The following MTUS2 variants were observed in gnomAD, a reference collection of about 807,000 sequenced individuals.
The protein encoded by MTUS2 is microtubule-associated tumor suppressor candidate 2.
In MTUS2, 40 loss-of-function variants were observed where a neutral mutation model predicts 114.1. The observed-to-expected ratio is 0.35, with a 90% CI of 0.27 to 0.46. The LOEUF is 0.46. MTUS2 is among the 20% of genes least tolerant of loss of function. The pLI, the probability that MTUS2 is intolerant of heterozygous loss-of-function variation, is 1.00. For missense variants in MTUS2, 1,679 were observed against 1,705.4 expected (o/e 0.98, Z 0.27); for synonymous variants, 688 against 672.0 (o/e 1.02, Z -0.37).
In MTUS2 at chr13:29,312,848, T is replaced by C. The variant is rs769839633; in HGVS notation, c.2807-11765T>C. ...AAGCAGTATGTACAGGGATTTCTCA[T>C]TGATCATTTACAACATGCCTGTTTA... is the stretch of plus-strand genomic sequence containing the variant. On this transcript the variant is annotated intron_variant, in intron 6 of 15. Transcript: ENST00000612955. Among the ~76,000 whole-genome samples, 16 of 152,194 alleles carry C rather than the reference T, an allele frequency of 1.1e-4. No individual in the cohort carries two copies. The East Asian group carries it at 1.2e-3, about 11-fold the overall frequency.
chr13:29,382,397 G>A (rs1872280544), intron 8 of MTUS2, among the ~76,000 whole-genome samples: 1 of 152,204 alleles, frequency 6.6e-6, no homozygotes, highest in Admixed American at 6.5e-5. Context: ...GCATGGTGGA[G>A]ATGGCGTGAA....
At chr13:29,286,227 ATTG>A (rs1167567859) in intron 6 of MTUS2, among the ~76,000 whole-genome samples, 2 of 152,154 alleles carry the variant, frequency 1.3e-5, no homozygotes, top group East Asian at 1.9e-4. Flanking sequence ...CACCCGAATT[ATTG>A]TTAATATTTT....
In MTUS2 at chr13:29,025,409, G is replaced by A. The variant is rs759286559; in HGVS notation, c.711G>A (p.Glu237=). 2.5e-6 allele frequency: 4 copies of A among 1,613,784 alleles called. No homozygotes were observed. In the Admixed American group the frequency reaches 5.0e-5, roughly 20 times the overall value. Residue 237 remains glutamate, a synonymous_variant, in exon 3 of 16, where the codon GAG becomes GAA. Transcript: ENST00000612955. Reference sequence around the variant, plus strand: ...TCCCTGCAACTGACAGTACCTCAGAGGGAAAGAGTGTGCGTCATCCTAAAC... The same window carrying A: ...TCCCTGCAACTGACAGTACCTCAGAAGGAAAGAGTGTGCGTCATCCTAAAC... ...AAFPATDSTS[E]GKSVRHPKPS...
rs752705358 is a variant in MTUS2, at chr13:29,100,858, C to T, written c.2532C>T (p.Leu844=). Reference sequence around the variant, plus strand: ...TCCGTCCTCCCGGATACTCACGTCTCCCGGCAGCCAAACTGGCGGCATTTG... The same window carrying T: ...TCCGTCCTCCCGGATACTCACGTCTTCCGGCAGCCAAACTGGCGGCATTTG... ...SGLRPPGYSR[L]PAAKLAAFGF... The change falls in exon 5 of 16, where the codon CTC becomes CTT. Residue 844 remains leucine, a synonymous_variant. Transcript: ENST00000612955. 6 of 1,553,580 alleles carry T rather than the reference C, an allele frequency of 3.9e-6. No individual in the cohort carries two copies. In the African/African-American group the frequency reaches 5.5e-5, roughly 14 times the overall value.
At chr13:29,090,361 A>C (rs1370346935) in intron 4 of MTUS2, among the ~76,000 whole-genome samples, 1 of 152,128 alleles carries the variant, frequency 6.6e-6, no homozygotes, top group East Asian at 1.9e-4. Context: ...GGCTGCCAGC[A>C]AAAGTGCTCT....
At chr13:29,349,133 G>A (rs933065220) in intron 7 of MTUS2, among the ~76,000 whole-genome samples, 3 of 150,686 alleles carry the variant, frequency 2.0e-5, no homozygotes, top group African/African-American at 7.3e-5. Flanking sequence ...TTTGGCATTG[G>A]ATAGTTTTTT....
At chr13:29,389,526 T>C (rs569696133) in intron 8 of MTUS2, among the ~76,000 whole-genome samples, 1 of 40,422 alleles carries the variant, frequency 2.5e-5, no homozygotes, top group South Asian at 1.2e-3. Context: ...TATGTGTATA[T>C]ATGTATACAC....
intron 10 of MTUS2, among the ~76,000 whole-genome samples, chr13:29,486,501 TG>T (rs1232982140): frequency 6.6e-6 from 1 of 152,198 alleles, no homozygotes; most frequent in Non-Finnish European, 1.5e-5. Context: ...CAGAGAAATG[TG>T]GGAGCCCAGA....
chr13:29,393,683 TAAG>T (rs1873685650), intron 8 of MTUS2, among the ~76,000 whole-genome samples: 1 of 152,174 alleles, frequency 6.6e-6, no homozygotes, highest in Non-Finnish European at 1.5e-5. Context: ...TTGCCAAAGT[TAAG>T]AACGCATGCC....
At chr13:29,433,822 G>A (rs577007626) in intron 8 of MTUS2, among the ~76,000 whole-genome samples, 1 of 152,304 alleles carries the variant, frequency 6.6e-6, no homozygotes, top group Admixed American at 6.5e-5. Flanking sequence ...ATGTTTCTGA[G>A]AAGCGTAAAA....
intron 6 of MTUS2, among the ~76,000 whole-genome samples, chr13:29,297,616 A>C (rs1203948064): frequency 6.6e-6 from 1 of 152,178 alleles, no homozygotes; most frequent in Non-Finnish European, 1.5e-5. Context: ...TATGACTTAG[A>C]GACTTAGTTA....
At chr13:29,045,468 A>G (rs1454807819) in intron 4 of MTUS2, among the ~76,000 whole-genome samples, 2 of 152,186 alleles carry the variant, frequency 1.3e-5, no homozygotes, top group African/African-American at 4.8e-5. Flanking sequence ...CCCATTGGGA[A>G]TTAGGGCTTC....
At chr13:28,997,686 T>A (rs1156795074) in intron 2 of MTUS2, among the ~76,000 whole-genome samples, 2 of 152,130 alleles carry the variant, frequency 1.3e-5, no homozygotes, top group Non-Finnish European at 2.9e-5. Flanking sequence ...GTTTAAAGTC[T>A]GTTTTATCAG....
At chr13:29,290,958 A>C (rs183314789) in intron 6 of MTUS2, among the ~76,000 whole-genome samples, 1 of 152,322 alleles carries the variant, frequency 6.6e-6, no homozygotes, top group Admixed American at 6.5e-5. Context: ...AGCACTTGCC[A>C]CAATGAGTGC....
intron 2 of MTUS2, among the ~76,000 whole-genome samples, chr13:29,019,396 A>T (rs893592788): frequency 6.6e-6 from 1 of 152,194 alleles, no homozygotes; most frequent in Non-Finnish European, 1.5e-5. Flanking sequence ...TTATCAATGA[A>T]TGATAATGTA....
At position 29,074,383 on chromosome 13, in the gene MTUS2, G is replaced by A. The variant is rs535318528; in HGVS notation, c.2447-26390G>A. Among the ~76,000 whole-genome samples the A allele has an allele frequency of 7.9e-5, 12 of 152,266 alleles. No homozygotes were observed. In the East Asian group the frequency reaches 2.3e-3, roughly 29 times the overall value. ...TGTGCTCCCACAGCTCTGGGTCCAT[G>A]CCTCCGTCATGCCACTTAGCACCCT... On this transcript the variant is annotated intron_variant, in intron 4 of 15. Transcript: ENST00000612955.
chr13:29,045,973 C>A (rs1208810178), intron 4 of MTUS2, among the ~76,000 whole-genome samples: 4 of 152,120 alleles, frequency 2.6e-5, no homozygotes, highest in Non-Finnish European at 5.9e-5. Flanking sequence ...ACATGTTTCT[C>A]CCCATCTGGA....
At position 28,930,631 on chromosome 13, in the gene MTUS2, A is replaced by G. The variant is rs151103467; in HGVS notation, c.-243+90781A>G. On this transcript the variant is annotated intron_variant, in intron 2 of 15. Transcript: ENST00000612955. ...ATATCTAAGATTTGTTTAGCTCTTC[A>G]GGCACTGATAGGAGGTTTTAATAAG... 1.6e-4 allele frequency among the ~76,000 whole-genome samples: 24 copies of G among 152,326 alleles called. No homozygotes were observed. In the East Asian group the frequency reaches 4.4e-3, roughly 28 times the overall value.
intron 5 of MTUS2, among the ~76,000 whole-genome samples, chr13:29,235,067 A>AT (rs1169658019): frequency 1.5e-4 from 23 of 151,660 alleles, no homozygotes; most frequent in African/African-American, 4.9e-4. Flanking sequence ...AGTAATGGTA[A>AT]TTTTTCAAAT....
Sources: allele counts gnomAD v4.1 joint callset (sites outside exome capture counted in the v4.1 genomes callset), GRCh38; gene constraint gnomAD v4.1.1; transcripts MANE v1.5; gene names NCBI Gene and HGNC (gene_info 2026-07-23, HGNC 2026-07-21).